The following SRGAP3 variants were observed in gnomAD, a reference collection of about 807,000 sequenced individuals.
SRGAP3 encodes SLIT-ROBO Rho GTPase-activating protein 3.
Under a neutral mutation model 121.1 loss-of-function variants are expected in SRGAP3, and 39 were observed. The observed-to-expected ratio is 0.32, with a 90% confidence interval of 0.25 to 0.42. The LOEUF (loss-of-function observed/expected upper bound fraction) is 0.42. Ranked by LOEUF, SRGAP3 falls within the 10% of genes least tolerant of loss-of-function variation. The pLI is 1.00. For missense variants in SRGAP3, 1,213 were observed against 1,470.6 expected (o/e 0.82, Z 2.86); for synonymous variants, 601 against 570.0 (o/e 1.05, Z -0.77).
At chr3:9,296,701 C>A (rs1434346784) in intron 3 of SRGAP3, among the ~76,000 whole-genome samples, 1 of 152,156 alleles carries the variant, frequency 6.6e-6, no homozygotes, top group Non-Finnish European at 1.5e-5. Flanking sequence ...GCCTCAGTTT[C>A]CCCATATGTA....
At chr3:9,281,226 G>C (rs1222755343) in intron 3 of SRGAP3, among the ~76,000 whole-genome samples, 1 of 152,180 alleles carries the variant, frequency 6.6e-6, no homozygotes, top group Non-Finnish European at 1.5e-5. Context: ...AGCATGGCCA[G>C]CTTTTAAAGA....
At chr3:9,345,785 CAAA>C (rs34225108) in intron 1 of SRGAP3, among the ~76,000 whole-genome samples, 1 of 65,266 alleles carries the variant, frequency 1.5e-5, no homozygotes, top group Non-Finnish European at 3.3e-5. Context: ...GACTCCAACT[CAAA>C]AAAAAAAAAA....
intron 3 of SRGAP3, among the ~76,000 whole-genome samples, chr3:9,273,765 T>C (rs975022923): frequency 9.2e-5 from 14 of 151,788 alleles, no homozygotes; most frequent in African/African-American, 3.4e-4. Context: ...TTTTTGTATA[T>C]AGTGTAAGGT....
At chr3:9,174,846 G>A (rs1387908130) in intron 1 of SRGAP3, among the ~76,000 whole-genome samples, 2 of 152,228 alleles carry the variant, frequency 1.3e-5, no homozygotes, top group Non-Finnish European at 2.9e-5. Context: ...GGAGGAAACT[G>A]AGGGCAGCAG....
intron 1 of SRGAP3, among the ~76,000 whole-genome samples, chr3:9,356,310 CCCT>C (rs2030504410): frequency 6.7e-6 from 1 of 149,260 alleles, no homozygotes; most frequent in Admixed American, 6.7e-5. Context: ...TCCCACCTCA[CCCT>C]CCTAAGTAGC....
At chr3:9,044,591 C>T (rs1272177677) in intron 10 of SRGAP3, among the ~76,000 whole-genome samples, 2 of 152,120 alleles carry the variant, frequency 1.3e-5, no homozygotes, top group African/African-American at 2.4e-5. Context: ...AGCGAAACCA[C>T]AAATAAAGAA....
intron 1 of SRGAP3, among the ~76,000 whole-genome samples, chr3:9,338,920 A>G (rs1358874097): frequency 4.6e-5 from 7 of 152,344 alleles, no homozygotes; most frequent in African/African-American, 1.4e-4. Context: ...ATCCATACAC[A>G]GTAGGTTTTA....
intron 1 of SRGAP3, among the ~76,000 whole-genome samples, chr3:9,222,094 C>A (rs1312282923): frequency 3.9e-5 from 6 of 152,128 alleles, no homozygotes; most frequent in African/African-American, 1.2e-4. Context: ...TCAGGAATGG[C>A]CTAGGTTGAT....
chr3:9,013,589 G>C (rs1236515897), intron 16 of SRGAP3, 54 bp from the exon 17 acceptor site: 1 of 1,597,486 alleles, frequency 6.3e-7, no homozygotes, highest in Non-Finnish European at 8.6e-7. Context: ...TCCTCCCCCT[G>C]TGTTTTTTTT....
chr3:9,227,824 A>AC (rs1238831138), intron 1 of SRGAP3, among the ~76,000 whole-genome samples: 1 of 152,176 alleles, frequency 6.6e-6, no homozygotes, highest in African/African-American at 2.4e-5. Flanking sequence ...AGAGACAAAT[A>AC]CAGCAGCACT....
In SRGAP3 at chr3:8,994,652, G is replaced by C; in HGVS notation, c.2228-129C>G. On this transcript the variant is annotated intron_variant, in intron 18 of 21. Coordinates refer to ENST00000383836, the MANE Select transcript of SRGAP3 (RefSeq NM_014850.4). ...CAGCTGGTGAGAACATGGACAGAAC[G>C]CCTGGTGGGCTGGGGCTCAGGACCC... The C allele has an allele frequency of 4.1e-6, 5 of 1,224,658 alleles. No individual in the cohort carries two copies. In the South Asian group the frequency reaches 6.3e-5, roughly 15 times the overall value. The allele number at this position is 1,224,658 out of a possible 1,614,324, so 75.9% of individuals were successfully genotyped here.
intron 2 of SRGAP3, among the ~76,000 whole-genome samples, chr3:9,116,529 G>A (rs976852466): frequency 5.9e-5 from 9 of 152,208 alleles, no homozygotes; most frequent in African/African-American, 7.2e-5. Flanking sequence ...CATGGGAGGC[G>A]AGAGGAGCAG....
Position 9,080,025 on chromosome 3 carries a change from T to C in SRGAP3, c.486A>G (p.Thr162=), listed in dbSNP as rs1442795574. The change falls in exon 4 of 22, where the codon ACA becomes ACG. Residue 162 remains threonine (T), a splice_region_variant and synonymous_variant. Coordinates refer to ENST00000383836, the MANE Select transcript of SRGAP3 (RefSeq NM_014850.4). ...ELLKVTNELY[T]VMKTYHMYHA... ...AGCAGTGAGCCTGGGCAGAACTTAC[T>C]GTGTAGAGCTCATTGGTCACCTTCA... is the stretch of plus-strand genomic sequence containing the variant. 2 of 1,614,068 alleles carry C rather than the reference T, an allele frequency of 1.2e-6. No individual in the cohort carries two copies. The highest frequency in any genetic ancestry group is 2.7e-5 in the African/African-American group (2 of 74,930).
intron 2 of SRGAP3, among the ~76,000 whole-genome samples, chr3:9,327,521 T>A (rs192891172): frequency 6.6e-6 from 1 of 152,384 alleles, no homozygotes; most frequent in Non-Finnish European, 1.5e-5. Flanking sequence ...CAACTACATA[T>A]TACAATGTTA....
intron 3 of SRGAP3, among the ~76,000 whole-genome samples, chr3:9,267,015 C>A (rs1954380326): frequency 6.6e-6 from 1 of 152,110 alleles, no homozygotes; most frequent in South Asian, 2.1e-4. Context: ...GTTATTTGGA[C>A]CCAATCTCTT....
chr3:9,220,068 T>C (rs1038511657), intron 1 of SRGAP3, among the ~76,000 whole-genome samples: 3 of 152,094 alleles, frequency 2.0e-5, no homozygotes, highest in East Asian at 3.9e-4. Flanking sequence ...GGTTGGTTAA[T>C]GGGTACAAAC....
intron 1 of SRGAP3, among the ~76,000 whole-genome samples, chr3:9,228,157 A>G (rs1048641110): frequency 9.2e-5 from 14 of 152,016 alleles, no homozygotes; most frequent in African/African-American, 3.4e-4. Context: ...CAGCAGGTGT[A>G]AGAGAAGGGT....
At chr3:9,027,044 A>G (rs749892272) in intron 12 of SRGAP3, 49 bp from the exon 13 acceptor site, 4 of 1,562,214 alleles carry the variant, frequency 2.6e-6, no homozygotes, top group Admixed American at 1.7e-5. Context: ...CAACCACCAC[A>G]GGAAAAAGAC....
Position 8,983,637 on chromosome 3 carries a change from T to C in SRGAP3, c.*1882A>G, listed in dbSNP as rs923302991. The C allele has an allele frequency of 1.7e-5, 4 of 231,310 alleles. No homozygotes were observed. Among genetic ancestry groups the C allele is most frequent in the South Asian group, 1.8e-4 (1 of 5,504 alleles). The allele number at this position is 231,310 out of a possible 1,614,324, so 14.3% of individuals were successfully genotyped here. On this transcript the variant is annotated 3_prime_UTR_variant, in exon 22 of 22. Transcript: ENST00000383836. ...TCCACTGCTCACTTCTGAAATGCCA[T>C]TGGGAGGTTTCAAAAAGAAGGGCTG... is the stretch of plus-strand genomic sequence containing the variant.
Sources: allele counts gnomAD v4.1 joint callset (sites outside exome capture counted in the v4.1 genomes callset), GRCh38; gene constraint gnomAD v4.1.1; transcripts MANE v1.5; gene names NCBI Gene and HGNC (gene_info 2026-07-23, HGNC 2026-07-21).